The following PSG7 variants were observed in gnomAD, a reference collection of about 807,000 sequenced individuals.
PSG7 encodes pregnancy specific beta-1-glycoprotein 7, also known as pregnancy-specific beta-1-glycoprotein 7.
In PSG7, 57 loss-of-function variants were observed where a neutral mutation model predicts 45.6. The observed-to-expected ratio is 1.25, with a 90% CI of 1.01 to 1.56. The LOEUF (loss-of-function observed/expected upper bound fraction) is 1.56, where lower values mean the gene tolerates loss of function less well. Among genes scored for constraint, PSG7 ranks in the 40% most tolerant of loss-of-function variants. The pLI is 0.00. For missense variants in PSG7, 796 were observed against 508.4 expected, an observed-to-expected ratio of 1.57 and a Z score of -5.44; for synonymous variants, 298 against 194.4, an observed-to-expected ratio of 1.53 and a Z score of -4.43.
Position 42,925,926 on chromosome 19 carries a change from A to G in PSG7, c.1090T>C (p.Tyr364His), listed in dbSNP as rs1444152634. ...CFADSNPPAQYSWTINGKFQL... is the reference protein window; with the variant it reads ...CFADSNPPAQHSWTINGKFQL... ...AACTTCCCATTAATTGTCCAAGAAT[A>G]CTGTGCCGGTGGGTTAGAGTCCGCA... Residue 364 changes from tyrosine (Y) to histidine (H), a missense_variant, in exon 5 of 6, where the codon TAT (tyrosine) becomes CAT (histidine). Physicochemically the swap from Tyr to His is moderately conservative, Grantham distance 83 (BLOSUM62 2). Transcript: ENST00000406070. 34 of 1,612,274 alleles carry G rather than the reference A, an allele frequency of 2.1e-5. No homozygotes were observed. The highest frequency in any genetic ancestry group is 2.5e-5 in the Non-Finnish European group (30 of 1,179,214).
Position 42,926,483 on chromosome 19 carries a change from G to T in PSG7, c.943C>A (p.Arg315=), listed in dbSNP as rs751567313. The change falls in exon 4 of 6, where the codon CGA becomes AGA. Residue 315 remains arginine, a synonymous_variant. Coordinates refer to ENST00000406070, the MANE Select transcript of PSG7 (RefSeq NM_002783.3). Reference sequence around the variant, plus strand: ...GGGTCACTGCGGATGCCACCATATCGGTCCCGTATTTCACATTGATAGGGT... The same window carrying T: ...GGGTCACTGCGGATGCCACCATATCTGTCCCGTATTTCACATTGATAGGGT... ...TGPYQCEIRD[R]YGGIRSDPVT... 6.2e-7 allele frequency: 1 copy of T among 1,611,474 alleles called. No individual in the cohort carries two copies. The highest frequency in any genetic ancestry group is 1.7e-5 in the Admixed American group (1 of 59,848).
chr19:42,929,180 C>G, intron 3 of PSG7: 1 of 798,858 alleles, frequency 1.3e-6, no homozygotes. Flanking sequence ...TGTTCATGAT[C>G]TGGAGCCTGA....
chr19:42,935,685 T>C lies in PSG7; in HGVS notation c.149A>G (p.Asp50Gly), dbSNP rs2084384656. The change falls in exon 2 of 6, where the codon GAT becomes GGT. Residue 50 changes from aspartate to glycine, a missense_variant. Transcript: ENST00000406070. ...AQPPKVSEGKDVLLLVHNLPQ... is the reference protein window; with the variant it reads ...AQPPKVSEGKGVLLLVHNLPQ... Reference sequence around the variant, plus strand: ...CAAATTGTGGACAAGTAGAAGAACATCCTTCCCCTCGGAAACTTTTGGTGG... The same window carrying C: ...CAAATTGTGGACAAGTAGAAGAACACCCTTCCCCTCGGAAACTTTTGGTGG... 6.2e-7 allele frequency: 1 copy of C among 1,611,980 alleles called. No homozygotes were observed. The highest frequency in any genetic ancestry group is 8.5e-7 in the Non-Finnish European group (1 of 1,179,074).
intron 3 of PSG7, among the ~76,000 whole-genome samples, chr19:42,927,731 A>G (rs1021959701): frequency 1.3e-5 from 2 of 151,574 alleles, no homozygotes; most frequent in Non-Finnish European, 2.9e-5. Context: ...CAGAGTGAAT[A>G]TGAGAAGAGA....
rs201797371 is a variant in PSG7 at position 42,925,908 on chromosome 19, C to T, written c.1108G>A (p.Gly370Arg). ...TTTTGTCCTGATAGCTGAAACTTCC[C>T]ATTAATTGTCCAAGAATACTGTGCC... The part of the protein sequence containing the change: ...PPAQYSWTIN[G>R]KFQLSGQKLS... The change falls in exon 5 of 6, where the codon GGG (glycine) becomes AGG (arginine). Residue 370 changes from glycine (G) to arginine (R), a missense_variant. Gly to Arg is a moderately radical substitution (Grantham distance 125, BLOSUM62 -2). Transcript: ENST00000406070. 1,357 of 1,612,124 alleles carry T rather than the reference C, an allele frequency of 8.4e-4. 45 individuals are homozygous for T. In the Middle Eastern group the frequency reaches 0.022, roughly 26 times the overall value.
intron 2 of PSG7, among the ~76,000 whole-genome samples, chr19:42,930,525 G>C (rs767767763): frequency 2.0e-5 from 3 of 151,830 alleles, no homozygotes; most frequent in Admixed American, 6.6e-5. Context: ...ACATGTTGAT[G>C]TTTGCAAATA....
At chr19:42,933,702 A>T (rs1301137154) in intron 2 of PSG7, among the ~76,000 whole-genome samples, 2 of 150,936 alleles carry the variant, frequency 1.3e-5, no homozygotes, top group South Asian at 2.1e-4. Context: ...TGGGAGGAAG[A>T]TGAGGGACAC....
Position 42,924,433 on chromosome 19 carries a change from T to C in PSG7, c.*375A>G. The C allele has an allele frequency of 4.1e-6, 2 of 486,498 alleles. No individual in the cohort carries two copies. The highest frequency in any genetic ancestry group is 3.9e-5 in the African/African-American group (2 of 51,900). 30.1% of individuals were successfully genotyped at this position (486,498 alleles called of 1,614,324 possible). ...CATATCTGACACTCTGTTGTTACCC[T>C]CAGAAGCTCCTATACTACATGTGAA... On this transcript the variant is annotated 3_prime_UTR_variant, in exon 6 of 6. Coordinates refer to ENST00000406070, the MANE Select transcript of PSG7 (RefSeq NM_002783.3).
intron 1 of PSG7, 59 bp from the exon 2 acceptor site, chr19:42,935,828 G>T (rs1205089532): frequency 6.5e-7 from 1 of 1,546,606 alleles, no homozygotes; most frequent in Non-Finnish European, 8.7e-7. Flanking sequence ...TTGAAAAGAT[G>T]GGCCCCTGGG....
At chr19:42,935,949 G>C (rs1390700342) in intron 1 of PSG7, among the ~76,000 whole-genome samples, 180 bp from the exon 2 acceptor site, 1 of 150,594 alleles carries the variant, frequency 6.6e-6, no homozygotes, top group Non-Finnish European at 1.5e-5. Context: ...GGGCATGTGT[G>C]TTTCTGTGTG....
intron 2 of PSG7, among the ~76,000 whole-genome samples, chr19:42,933,872 G>T (rs1460943332): frequency 6.6e-6 from 1 of 151,314 alleles, no homozygotes; most frequent in Non-Finnish European, 1.5e-5. Flanking sequence ...CATGAGGTGG[G>T]GTGGCTTTAG....
intron 2 of PSG7, among the ~76,000 whole-genome samples, chr19:42,933,281 ATATATATATATATATATATATATATATTT>A (rs1463658250): frequency 4.8e-4 from 3 of 6,298 alleles, no homozygotes; most frequent in South Asian, 8.6e-3. Flanking sequence ...ATATATATAT[ATATATATATATATATATATATATATATTT>A]TTTTTTTTTT....
At chr19:42,930,830 G>T (rs1183550787) in intron 2 of PSG7, among the ~76,000 whole-genome samples, 4 of 151,512 alleles carry the variant, frequency 2.6e-5, no homozygotes, top group Non-Finnish European at 4.4e-5. Flanking sequence ...GGGGGTTCTA[G>T]AGATCTCCTG....
In PSG7 at chr19:42,937,127, G is replaced by C. The variant is rs1355309191; in HGVS notation, c.-51C>G. 6 of 1,592,466 alleles carry C rather than the reference G, an allele frequency of 3.8e-6. No individual in the cohort carries two copies. The highest frequency in any genetic ancestry group is 2.7e-5 in the African/African-American group (2 of 73,938). ...TCTGTGGAGATGAGCCTAGGATCCA[G>C]AATCTTCCTGAGCACGGCTGTCAGC... On this transcript the variant is annotated 5_prime_UTR_variant, in exon 1 of 6. Coordinates refer to ENST00000406070, the MANE Select transcript of PSG7 (RefSeq NM_002783.3).
intron 2 of PSG7, among the ~76,000 whole-genome samples, chr19:42,931,502 G>T (rs573892014): frequency 5.3e-5 from 8 of 151,654 alleles, no homozygotes; most frequent in East Asian, 1.9e-4. Context: ...ATAATTTCTG[G>T]GCAGAGTTAG....
Position 42,925,954 on chromosome 19 carries a change from G to A in PSG7, c.1062C>T (p.Cys354=), listed in dbSNP as rs1268448868. 2.5e-6 allele frequency: 4 copies of A among 1,612,236 alleles called. No individual in the cohort carries two copies. Among genetic ancestry groups the A allele is most frequent in the Admixed American group, 1.7e-5 (1 of 59,886 alleles). Residue 354 remains cysteine, a synonymous_variant, in exon 5 of 6, where the codon TGC becomes TGT. Transcript: ENST00000406070. The stretch of plus-strand genomic sequence containing the variant: ...GTGCCGGTGGGTTAGAGTCCGCAAA[G>A]CAGGACAAGTAGAGGTTTTGTCCTG... ...YHSGQNLYLS[C]FADSNPPAQY...
intron 2 of PSG7, among the ~76,000 whole-genome samples, chr19:42,933,279 ATATATATATATATATATATATATATATAT>A (rs1338452374): frequency 3.5e-4 from 2 of 5,796 alleles, no homozygotes; most frequent in African/African-American, 4.9e-4. Context: ...ATATATATAT[ATATATATATATATATATATATATATATAT>A]TTTTTTTTTT....
chr19:42,924,927 T>C (rs1972493437), intron 5 of PSG7, 103 bp from the exon 6 acceptor site: 2 of 737,830 alleles, frequency 2.7e-6, no homozygotes, highest in Non-Finnish European at 5.0e-6. Flanking sequence ...TCTATGGGCA[T>C]CTCTAGTTTT....
chr19:42,935,259 G>T (rs1253853067), intron 2 of PSG7, 145 bp downstream of exon 2: 1 of 1,443,726 alleles, frequency 6.9e-7, no homozygotes, highest in African/African-American at 1.4e-5. Flanking sequence ...TCCTCTGTGT[G>T]TTTCCTGCAA....
Sources: gnomAD v4.1 joint callset for allele counts (sites outside exome capture counted in the v4.1 genomes callset) on GRCh38, gnomAD v4.1.1 for gene constraint, MANE v1.5 for transcripts, NCBI Gene and HGNC (gene_info 2026-07-23, HGNC 2026-07-21) for gene names.